Variants in ARHGAP35 observed in about 807,000 individuals in gnomAD.
The protein encoded by ARHGAP35 is Rho GTPase activating protein 35, also known as rho GTPase-activating protein 35.
ARHGAP35 carries 15 observed loss-of-function variants against 111.1 expected under a neutral mutation model. The ratio of observed to expected loss-of-function variants is 0.13; its 90% CI spans 0.09 to 0.21. ARHGAP35 has a LOEUF of 0.21. ARHGAP35 is among the 10% of genes least tolerant of loss of function. The pLI is 1.00. For missense variants in ARHGAP35, 1,262 were observed against 1,873.0 expected (o/e 0.67, Z 6.02); for synonymous variants, 643 against 710.3 (o/e 0.91, Z 1.51).
rs2056182673 is a variant in ARHGAP35 at position 46,919,314 on chromosome 19, A to G, written c.639A>G (p.Ala213=). 6 of 1,614,032 alleles carry G rather than the reference A, an allele frequency of 3.7e-6. No individual in the cohort carries two copies. Among genetic ancestry groups the G allele is most frequent in the Non-Finnish European group, 4.2e-6 (5 of 1,179,898 alleles). ...DEGVERYIRD[A]HTFALSKKNL... is the part of the protein sequence containing the mutation. The stretch of plus-strand genomic sequence containing the variant: ...GTGTTGAGCGGTACATTAGAGATGC[A>G]CATACTTTTGCCTTAAGCAAAAAGA... Residue 213 remains alanine, a synonymous_variant, in exon 2 of 7, where the codon GCA becomes GCG. Transcript: ENST00000672722. The surrounding 1 kb of genome is among the most constrained non-coding windows in gnomAD (Gnocchi z 6.2).
intron 3 of ARHGAP35, among the ~76,000 whole-genome samples, chr19:46,940,383 C>T (rs2056339603): frequency 6.8e-6 from 1 of 147,358 alleles, no homozygotes; most frequent in South Asian, 2.1e-4. Context: ...AAAAAATTAG[C>T]TGGGCATGGT....
chr19:46,929,917 A>C (rs1319124876), intron 2 of ARHGAP35, among the ~76,000 whole-genome samples: 1 of 151,022 alleles, frequency 6.6e-6, no homozygotes, highest in Non-Finnish European at 1.5e-5. Context: ...TCCATCTCAA[A>C]AAAAAAAAAA....
intron 1 of ARHGAP35, among the ~76,000 whole-genome samples, chr19:46,883,051 T>G (rs1236648567): frequency 3.9e-5 from 6 of 152,196 alleles, no homozygotes; most frequent in Non-Finnish European, 4.4e-5. Flanking sequence ...TGACTCCTCC[T>G]TTCACTTGAG....
intron 1 of ARHGAP35, among the ~76,000 whole-genome samples, chr19:46,883,570 T>A (rs1209470426): frequency 6.6e-6 from 1 of 152,116 alleles, no homozygotes; most frequent in Non-Finnish European, 1.5e-5. Context: ...CAGATGACCA[T>A]AATAGAATAA....
Position 46,867,238 on chromosome 19 carries a change from C to T in ARHGAP35, c.-189+6029C>T, listed in dbSNP as rs886169127. Among the ~76,000 whole-genome samples, 6 of 152,156 alleles carry T rather than the reference C, an allele frequency of 3.9e-5. No individual in the cohort carries two copies. In the East Asian group the frequency reaches 1.2e-3, roughly 29 times the overall value. ...AGACTTGCCTATCTCTCTCATCTTCCTTTATTGAAACGAACATTTTCTTTT... is the reference window on the plus strand; with the variant it reads ...AGACTTGCCTATCTCTCTCATCTTCTTTTATTGAAACGAACATTTTCTTTT... On this transcript the variant is annotated intron_variant, in intron 1 of 6. Coordinates refer to ENST00000672722, the MANE Select transcript of ARHGAP35 (RefSeq NM_004491.5).
intron 1 of ARHGAP35, among the ~76,000 whole-genome samples, chr19:46,866,214 C>T (rs1599788431): frequency 1.3e-5 from 2 of 152,294 alleles, no homozygotes; most frequent in South Asian, 4.1e-4. Context: ...GGTAAGATTT[C>T]TTTTTCACGA....
At chr19:46,963,301 G>A (rs2056495386) in intron 3 of ARHGAP35, among the ~76,000 whole-genome samples, 1 of 152,264 alleles carries the variant, frequency 6.6e-6, no homozygotes, top group East Asian at 1.9e-4. Context: ...GTGCTTGCTG[G>A]CACGCACACA....
chr19:46,976,616 G>A (rs2040099629), intron 3 of ARHGAP35, among the ~76,000 whole-genome samples: 1 of 152,264 alleles, frequency 6.6e-6, no homozygotes, highest in African/African-American at 2.4e-5. Flanking sequence ...TCTCCATGGT[G>A]GGGAGCTCGG....
chr19:46,971,797 C>T (rs1013641311), intron 3 of ARHGAP35, among the ~76,000 whole-genome samples: 3 of 151,978 alleles, frequency 2.0e-5, no homozygotes, highest in African/African-American at 7.3e-5. Flanking sequence ...CGCACCTGGC[C>T]GGCTCCCTCA....
At chr19:46,998,158 T>C (rs1352133926) in intron 5 of ARHGAP35, among the ~76,000 whole-genome samples, 5 of 150,558 alleles carry the variant, frequency 3.3e-5, no homozygotes, top group Admixed American at 6.6e-5. Context: ...TCCGCACCCC[T>C]CCCGGATTCA....
At chr19:46,996,866 G>A (rs878901195) in intron 5 of ARHGAP35, among the ~76,000 whole-genome samples, 1 of 152,202 alleles carries the variant, frequency 6.6e-6, no homozygotes, top group Non-Finnish European at 1.5e-5. Flanking sequence ...GTAGAAAAGA[G>A]TGTGCCCATG....
chr19:46,861,431 C>G (rs575904334), intron 1 of ARHGAP35, among the ~76,000 whole-genome samples: 1 of 149,210 alleles, frequency 6.7e-6, no homozygotes. Context: ...TTGGACCTGC[C>G]CCTGCCCGCC....
chr19:46,987,152 C>T (rs945869516), intron 3 of ARHGAP35, among the ~76,000 whole-genome samples: 10 of 151,426 alleles, frequency 6.6e-5, no homozygotes, highest in Admixed American at 4.6e-4. Flanking sequence ...CCACACCCTG[C>T]GCAAGTTAAT....
At chr19:46,869,794 A>G (rs1408938524) in intron 1 of ARHGAP35, among the ~76,000 whole-genome samples, 2 of 152,094 alleles carry the variant, frequency 1.3e-5, no homozygotes, top group Non-Finnish European at 2.9e-5. Context: ...CAAGGGAATT[A>G]TTTCACTGGG....
At position 46,937,350 on chromosome 19, in the gene ARHGAP35, T is replaced by C; in HGVS notation, c.3768T>C (p.Thr1256=). Residue 1256 remains threonine (T), a synonymous_variant, in exon 3 of 7, where the codon ACT becomes ACC. Transcript: ENST00000672722. ...GGGTGCCCTTAACAACTGTCGTGAC[T>C]CCAGAGAAGCCGATCCCCATTTTTA... ...YFGVPLTTVV[T]PEKPIPIFIE... is the part of the protein sequence containing the mutation. 6.2e-7 allele frequency: 1 copy of C among 1,613,970 alleles called. No individual in the cohort carries two copies.
At position 46,989,446 on chromosome 19, in the gene ARHGAP35, T is replaced by A; in HGVS notation, c.3905-98T>A. The A allele has an allele frequency of 2.0e-6, 3 of 1,503,150 alleles. No individual in the cohort carries two copies. The African/African-American group carries it at 4.1e-5, about 21-fold the overall frequency. 93.1% of individuals were successfully genotyped at this position (1,503,150 alleles called of 1,614,324 possible). ...TGCCAGTCCTGAGGCCGTCTCTGGCTCCTTGAGGTTTCTCTAGCCTCTCCT... is the reference window on the plus strand; with the variant it reads ...TGCCAGTCCTGAGGCCGTCTCTGGCACCTTGAGGTTTCTCTAGCCTCTCCT... On this transcript the variant is annotated intron_variant, in intron 4 of 6. Coordinates refer to ENST00000672722, the MANE Select transcript of ARHGAP35 (RefSeq NM_004491.5). This position sits in a 1 kb window ranked among gnomAD's most constrained non-coding sequence, Gnocchi z 5.3.
rs1599810963 is a variant in ARHGAP35, at chr19:46,908,341, G to C, written c.-188-10147G>C. ...CGGCTGTTTTTTTGTATCTTGACTT[G>C]GTAAGAATCTCAGCTCACTGTGGTA... is the stretch of plus-strand genomic sequence containing the variant. On this transcript the variant is annotated intron_variant, in intron 1 of 6. Transcript: ENST00000672722. The surrounding 1 kb of genome is among the most constrained non-coding windows in gnomAD (Gnocchi z 4.2). Among the ~76,000 whole-genome samples the C allele has an allele frequency of 6.6e-6, 1 of 152,104 alleles. No individual in the cohort carries two copies. The highest frequency in any genetic ancestry group is 2.1e-4 in the South Asian group (1 of 4,828).
chr19:46,918,885 T>C lies in ARHGAP35; in HGVS notation c.210T>C (p.Asn70=), dbSNP rs1568467002. Residue 70 remains asparagine, a synonymous_variant, in exon 2 of 7, where the codon AAT becomes AAC. Coordinates refer to ENST00000672722, the MANE Select transcript of ARHGAP35 (RefSeq NM_004491.5). This position sits in a 1 kb window ranked among gnomAD's most constrained non-coding sequence, Gnocchi z 5.4. The stretch of plus-strand genomic sequence containing the variant: ...ACTTTGGAGGGCGAGTGGTCAATAA[T>C]GACCACTTTCTCTACTGGGGAGAAG... ...TSDFGGRVVN[N]DHFLYWGEVS... is the part of the protein sequence containing the mutation. 6.2e-7 allele frequency: 1 copy of C among 1,613,994 alleles called. No individual in the cohort carries two copies. Among genetic ancestry groups the C allele is most frequent in the African/African-American group, 1.3e-5 (1 of 75,038 alleles).
chr19:46,886,919 AAG>A (rs1362677985), intron 1 of ARHGAP35, among the ~76,000 whole-genome samples: 1 of 152,170 alleles, frequency 6.6e-6, no homozygotes, highest in Admixed American at 6.5e-5. Context: ...GGGATCTTTA[AAG>A]AGAGAGAGAT....
Sources: gnomAD v4.1 joint callset for allele counts (sites outside exome capture counted in the v4.1 genomes callset) on GRCh38, gnomAD v4.1.1 for gene constraint, Gnocchi (gnomAD v3.1) non-coding constraint, MANE v1.5 for transcripts, NCBI Gene and HGNC (gene_info 2026-07-23, HGNC 2026-07-21) for gene names.